Variants in DOCK3 observed in about 807,000 individuals in gnomAD.
DOCK3 encodes dedicator of cytokinesis 3.
In DOCK3, 60 loss-of-function variants were observed where a neutral mutation model predicts 265.6. The observed-to-expected ratio is 0.23, with a 90% CI of 0.18 to 0.28. DOCK3 has a LOEUF of 0.28. DOCK3 is among the 10% of genes least tolerant of loss of function. The pLI is 1.00. For missense variants in DOCK3, 1,981 were observed against 2,594.3 expected (o/e 0.76, Z 5.14); for synonymous variants, 881 against 938.0 (o/e 0.94, Z 1.11).
intron 6 of DOCK3, among the ~76,000 whole-genome samples, chr3:51,071,908 G>A (rs2081886883): frequency 6.6e-6 from 1 of 152,154 alleles, no homozygotes; most frequent in African/African-American, 2.4e-5. Flanking sequence ...AATGAGGACA[G>A]TCACTAATAT....
At chr3:51,125,115 C>T (rs2084211583) in intron 9 of DOCK3, among the ~76,000 whole-genome samples, 1 of 151,974 alleles carries the variant, frequency 6.6e-6, no homozygotes, top group Non-Finnish European at 1.5e-5. Flanking sequence ...GACTGAGACT[C>T]CATTTCAAAT....
chr3:51,260,734 C>A (rs2079805460), intron 23 of DOCK3, among the ~76,000 whole-genome samples: 1 of 152,116 alleles, frequency 6.6e-6, no homozygotes, highest in Admixed American at 6.5e-5. Context: ...GTAATCCTAG[C>A]ACTTTGGGAG....
chr3:51,374,818 C>G lies in DOCK3; in HGVS notation c.5412+231C>G, dbSNP rs1250933730. On this transcript the variant is annotated intron_variant, in intron 50 of 52. Coordinates refer to ENST00000266037, the MANE Select transcript of DOCK3 (RefSeq NM_004947.5). The surrounding 1 kb of genome is among the most constrained non-coding windows in gnomAD (Gnocchi z 4.8). Reference sequence around the variant, plus strand: ...TGGTGGCAGGAACCACCATTGGAACCAGCATTGCTCATGTAGCTATCTGTC... The same window carrying G: ...TGGTGGCAGGAACCACCATTGGAACGAGCATTGCTCATGTAGCTATCTGTC... Among the ~76,000 whole-genome samples the G allele has an allele frequency of 6.6e-6, 1 of 152,174 alleles. No homozygotes were observed. Among genetic ancestry groups the G allele is most frequent in the Non-Finnish European group, 1.5e-5 (1 of 68,030 alleles).
intron 27 of DOCK3, among the ~76,000 whole-genome samples, chr3:51,299,554 G>T (rs780521532): frequency 1.7e-4 from 26 of 152,020 alleles, no homozygotes; most frequent in Non-Finnish European, 3.2e-4. Flanking sequence ...TTTTGGGTTT[G>T]ACATTTAAGT....
intron 5 of DOCK3, among the ~76,000 whole-genome samples, chr3:51,059,319 G>A (rs1259040564): frequency 6.6e-6 from 1 of 152,000 alleles, no homozygotes; most frequent in Non-Finnish European, 1.5e-5. Context: ...TAATACCATT[G>A]CCTTGAGGGT....
At chr3:50,991,304 G>C (rs1302129736) in intron 5 of DOCK3, among the ~76,000 whole-genome samples, 1 of 152,132 alleles carries the variant, frequency 6.6e-6, no homozygotes, top group Admixed American at 6.5e-5. Flanking sequence ...AGAGTGGCAA[G>C]CTGGATAAAA....
intron 3 of DOCK3, among the ~76,000 whole-genome samples, chr3:50,869,723 G>C (rs2047346339): frequency 6.6e-6 from 1 of 151,156 alleles, no homozygotes; most frequent in Non-Finnish European, 1.5e-5. Flanking sequence ...TGCTCGCTTT[G>C]CTAGTCCTTT....
At chr3:51,140,834 A>G (rs2085022874) in intron 9 of DOCK3, among the ~76,000 whole-genome samples, 3 of 152,074 alleles carry the variant, frequency 2.0e-5, no homozygotes, top group South Asian at 2.1e-4. Context: ...TTGATTTGCA[A>G]TTCCCTGATT....
chr3:50,827,451 T>A (rs908378640), intron 2 of DOCK3, among the ~76,000 whole-genome samples: 1 of 152,200 alleles, frequency 6.6e-6, no homozygotes, highest in Non-Finnish European at 1.5e-5. Context: ...GTCTCTTTTA[T>A]AAGGGCATTA....
intron 5 of DOCK3, among the ~76,000 whole-genome samples, chr3:51,049,342 AG>A: frequency 2.0e-5 from 3 of 151,992 alleles, no homozygotes; most frequent in Admixed American, 6.6e-5. Context: ...AAAGAAAGAA[AG>A]AAAGAAAGAA....
At chr3:50,696,196 A>G (rs949020760) in intron 1 of DOCK3, among the ~76,000 whole-genome samples, 1 of 152,200 alleles carries the variant, frequency 6.6e-6, no homozygotes, top group Admixed American at 6.5e-5. Flanking sequence ...ACACAGCATG[A>G]TGGAATAGGA....
intron 12 of DOCK3, among the ~76,000 whole-genome samples, chr3:51,165,049 C>T (rs2086323702): frequency 6.6e-6 from 1 of 151,150 alleles, no homozygotes; most frequent in South Asian, 2.1e-4. Flanking sequence ...AGCCATTCTC[C>T]TCTCTCAGCC....
chr3:51,189,153 T>C (rs1003878371), intron 12 of DOCK3, among the ~76,000 whole-genome samples: 2 of 152,200 alleles, frequency 1.3e-5, no homozygotes, highest in Non-Finnish European at 2.9e-5. Flanking sequence ...CTCATTGTGG[T>C]TTTGATTTAC....
At chr3:51,006,066 A>C (rs999480125) in intron 5 of DOCK3, among the ~76,000 whole-genome samples, 1 of 152,116 alleles carries the variant, frequency 6.6e-6, no homozygotes, top group South Asian at 2.1e-4. Context: ...AGTGCCAAGC[A>C]AGCATTGACC....
In DOCK3 at chr3:51,117,002, G is replaced by A. The variant is rs149420297; in HGVS notation, c.746+26618G>A. Among the ~76,000 whole-genome samples the A allele has an allele frequency of 2.5e-4, 38 of 152,214 alleles. 1 individual carries two copies. In the East Asian group the frequency reaches 7.3e-3, roughly 29 times the overall value. Reference sequence around the variant, plus strand: ...TGGCCAGAACTTCCAATACTATGTTGGATGGGAGTGGTGAGAGAGGGCATC... The same window carrying A: ...TGGCCAGAACTTCCAATACTATGTTAGATGGGAGTGGTGAGAGAGGGCATC... On this transcript the variant is annotated intron_variant, in intron 9 of 52. Transcript: ENST00000266037.
In DOCK3 at chr3:51,278,459, C is replaced by G. The variant is rs913663246; in HGVS notation, c.2823+705C>G. 4.1e-6 allele frequency: 4 copies of G among 985,186 alleles called. No homozygotes were observed. In the African/African-American group the frequency reaches 5.2e-5, roughly 13 times the overall value. 61.0% of individuals were successfully genotyped at this position (985,186 alleles called of 1,614,324 possible). ...CAGATGGGAGATTACAGTGATCTCT[C>G]TGAAGAAAACCCTCTGGAGCAAGCC... On this transcript the variant is annotated intron_variant, in intron 26 of 52. Transcript: ENST00000266037.
At chr3:50,831,083 G>A (rs991812870) in intron 2 of DOCK3, among the ~76,000 whole-genome samples, 1 of 151,938 alleles carries the variant, frequency 6.6e-6, no homozygotes, top group African/African-American at 2.4e-5. Context: ...GCATACTAAT[G>A]CATTATAATT....
chr3:51,107,195 A>G (rs535878293), intron 9 of DOCK3, among the ~76,000 whole-genome samples: 17 of 152,344 alleles, frequency 1.1e-4, no homozygotes, highest in Admixed American at 8.5e-4. Flanking sequence ...TAAAAGGGAA[A>G]AAAAAACCAT....
At chr3:51,094,105 A>G (rs1576048679) in intron 9 of DOCK3, among the ~76,000 whole-genome samples, 1 of 152,304 alleles carries the variant, frequency 6.6e-6, no homozygotes, top group East Asian at 1.9e-4. Context: ...ATCGATGTTC[A>G]TCAGGGATAT....
Sources: allele counts gnomAD v4.1 joint callset (sites outside exome capture counted in the v4.1 genomes callset), GRCh38; gene constraint gnomAD v4.1.1; non-coding constraint Gnocchi (gnomAD v3.1); transcripts MANE v1.5; gene names NCBI Gene and HGNC (gene_info 2026-07-23, HGNC 2026-07-21).